EDC3: variants seen among roughly 807,000 people sequenced by gnomAD.
The protein encoded by EDC3 is enhancer of mRNA decapping 3, also known as enhancer of mRNA-decapping protein 3.
EDC3 carries 20 observed loss-of-function variants against 41.8 expected under a neutral mutation model. The observed-to-expected ratio is 0.48, with a 90% CI of 0.34 to 0.70. The LOEUF (loss-of-function observed/expected upper bound fraction) is 0.70. Among genes scored for constraint, EDC3 ranks in the 30% least tolerant of loss-of-function variants. The pLI is 0.01. For missense variants in EDC3, 444 were observed against 636.8 expected (o/e 0.70, Z 3.26); for synonymous variants, 206 against 243.2 (o/e 0.85, Z 1.42).
At chr15:74,656,675 C>T (rs1207204919) in intron 3 of EDC3, among the ~76,000 whole-genome samples, 10 of 152,102 alleles carry the variant, frequency 6.6e-5, no homozygotes, top group Admixed American at 3.3e-4. Flanking sequence ...CGAAGCCCCA[C>T]CTTTGAAGCT....
chr15:74,689,425 T>C (rs2062976180), intron 1 of EDC3, among the ~76,000 whole-genome samples: 1 of 152,270 alleles, frequency 6.6e-6, no homozygotes, highest in African/African-American at 2.4e-5. Flanking sequence ...AAAATTGTAA[T>C]GACTACTGAA....
chr15:74,673,452 G>GA (rs929594072), intron 2 of EDC3, among the ~76,000 whole-genome samples: 55 of 152,212 alleles, frequency 3.6e-4, no homozygotes, highest in African/African-American at 1.3e-3. Flanking sequence ...GATTAGCTCC[G>GA]AAAATCTTGC....
Position 74,686,256 on chromosome 15 carries a change from C to T in EDC3, c.-19+9624G>A, listed in dbSNP as rs1454276355. 2.0e-5 allele frequency among the ~76,000 whole-genome samples: 3 copies of T among 151,914 alleles called. No homozygotes were observed. The East Asian group carries it at 5.8e-4, about 29-fold the overall frequency. On this transcript the variant is annotated intron_variant, in intron 1 of 6. Coordinates refer to ENST00000315127, the MANE Select transcript of EDC3 (RefSeq NM_025083.5). Reference sequence around the variant, plus strand: ...AGGAGAATCGCTTGAACCCGGGAGGCGGAGGATGCAGTGGGCTGAGATCGT... The same window carrying T: ...AGGAGAATCGCTTGAACCCGGGAGGTGGAGGATGCAGTGGGCTGAGATCGT...
At chr15:74,636,460 C>G (rs959768144) in intron 5 of EDC3, 10 of 152,242 alleles carry the variant, frequency 6.6e-5, no homozygotes, top group African/African-American at 2.4e-4. Flanking sequence ...CAGTTTTCTG[C>G]TATTCAAAGC....
At chr15:74,648,840 A>AT (rs2062446444) in intron 4 of EDC3, among the ~76,000 whole-genome samples, 1 of 152,184 alleles carries the variant, frequency 6.6e-6, no homozygotes, top group African/African-American at 2.4e-5. Flanking sequence ...TAGAAAACAA[A>AT]TGGTGGAGGT....
chr15:74,664,964 G>A (rs1024630818), intron 3 of EDC3, among the ~76,000 whole-genome samples: 4 of 152,286 alleles, frequency 2.6e-5, no homozygotes, highest in African/African-American at 7.2e-5. Context: ...ACTAAACAGA[G>A]GCACTGTCAT....
chr15:74,680,149 TAC>T (rs887801300), intron 1 of EDC3, among the ~76,000 whole-genome samples: 1 of 148,396 alleles, frequency 6.7e-6, no homozygotes, highest in African/African-American at 2.5e-5. Flanking sequence ...GAGTCCCAGC[TAC>T]TCGAGAGGCT....
At chr15:74,670,212 C>T (rs2062723948) in intron 3 of EDC3, among the ~76,000 whole-genome samples, 1 of 151,882 alleles carries the variant, frequency 6.6e-6, no homozygotes, top group African/African-American at 2.4e-5. Flanking sequence ...ACAAAACCAT[C>T]TAAGTAAAAT....
chr15:74,665,997 C>T (rs900901779), intron 3 of EDC3, among the ~76,000 whole-genome samples: 2 of 151,904 alleles, frequency 1.3e-5, no homozygotes, highest in Non-Finnish European at 2.9e-5. Flanking sequence ...GGGGTTTCAC[C>T]ATGTTGCCTA....
intron 1 of EDC3, among the ~76,000 whole-genome samples, chr15:74,681,557 T>C (rs2062870906): frequency 6.6e-6 from 1 of 152,152 alleles, no homozygotes; most frequent in South Asian, 2.1e-4. Flanking sequence ...GGGACAAACA[T>C]GTAAATCGAT....
At chr15:74,664,140 G>C (rs2062652862) in intron 3 of EDC3, among the ~76,000 whole-genome samples, 1 of 152,234 alleles carries the variant, frequency 6.6e-6, no homozygotes, top group South Asian at 2.1e-4. Context: ...TCACAGGTCA[G>C]TAAGAGAAAG....
At chr15:74,688,313 G>A (rs1051376227) in intron 1 of EDC3, among the ~76,000 whole-genome samples, 1 of 152,170 alleles carries the variant, frequency 6.6e-6, no homozygotes, top group Non-Finnish European at 1.5e-5. Context: ...GAGCTACAAG[G>A]AACCAATCTT....
At chr15:74,658,904 A>C (rs2062586348) in intron 3 of EDC3, among the ~76,000 whole-genome samples, 1 of 152,036 alleles carries the variant, frequency 6.6e-6, no homozygotes, top group Admixed American at 6.6e-5. Context: ...GCACCACTGC[A>C]CTCCAGCCTG....
chr15:74,690,774 GT>G (rs1431111879), intron 1 of EDC3, among the ~76,000 whole-genome samples: 2 of 152,020 alleles, frequency 1.3e-5, no homozygotes, highest in Non-Finnish European at 2.9e-5. Context: ...TAGCAAGACT[GT>G]TTCCACCCCC....
intron 6 of EDC3, 98 bp from the exon 7 acceptor site, chr15:74,633,044 C>G: frequency 8.1e-7 from 1 of 1,236,610 alleles, no homozygotes; most frequent in East Asian, 2.5e-5. Flanking sequence ...TCTTTGTTTT[C>G]CAGACACCAC....
intron 1 of EDC3, among the ~76,000 whole-genome samples, chr15:74,679,312 G>A (rs1386246006): frequency 6.6e-6 from 1 of 151,994 alleles, no homozygotes; most frequent in Non-Finnish European, 1.5e-5. Flanking sequence ...TCAACATCCT[G>A]CACAAATATA....
At chr15:74,670,250 T>C (rs1204755917) in intron 3 of EDC3, among the ~76,000 whole-genome samples, 3 of 152,044 alleles carry the variant, frequency 2.0e-5, no homozygotes, top group Non-Finnish European at 4.4e-5. Flanking sequence ...TGGAAGTAAT[T>C]TTTTAAAACA....
intron 4 of EDC3, among the ~76,000 whole-genome samples, chr15:74,650,786 T>C (rs1183064355): frequency 6.6e-6 from 1 of 152,072 alleles, no homozygotes; most frequent in Non-Finnish European, 1.5e-5. Flanking sequence ...TCACCTGAGA[T>C]CAGGAATTCG....
intron 3 of EDC3, among the ~76,000 whole-genome samples, chr15:74,669,891 T>A (rs918814112): frequency 6.6e-6 from 1 of 152,126 alleles, no homozygotes; most frequent in South Asian, 2.1e-4. Flanking sequence ...TCACCCAGGC[T>A]GAAGTGCAGT....
Sources: gnomAD v4.1 joint callset for allele counts (sites outside exome capture counted in the v4.1 genomes callset) on GRCh38, gnomAD v4.1.1 for gene constraint, MANE v1.5 for transcripts, NCBI Gene and HGNC (gene_info 2026-07-23, HGNC 2026-07-21) for gene names.